GCNT1: variants seen among roughly 807,000 people sequenced by gnomAD.
The protein encoded by GCNT1 is glucosaminyl (N-acetyl) transferase 1.
GCNT1 carries 16 observed loss-of-function variants against 26.2 expected under a neutral mutation model. The observed-to-expected ratio is 0.61, with a 90% CI of 0.41 to 0.93. GCNT1 has a LOEUF of 0.93. Among genes scored for constraint, GCNT1 ranks in the 40% least tolerant of loss-of-function variants. The pLI is 0.00. For missense variants in GCNT1, 477 were observed against 526.7 expected (o/e 0.91, Z 0.92); for synonymous variants, 183 against 190.8 (o/e 0.96, Z 0.34).
upstream of GCNT1, among the ~76,000 whole-genome samples, chr9:76,441,145 A>C (rs767088549): frequency 2.0e-5 from 3 of 151,306 alleles, no homozygotes; most frequent in Non-Finnish European, 4.4e-5. Flanking sequence ...CCTAGGCATC[A>C]GGATTTTTGT....
chr9:76,502,179 GTATATATATA>G (rs59104914), intron 3 of GCNT1, 50 bp from the exon 4 acceptor site: 2,805 of 154,022 alleles, frequency 0.018, 40 homozygotes, highest in East Asian at 0.065. Flanking sequence ...CTCTCTCTCT[GTATATATATA>G]TATATATATA....
the GCNT1 span, among the ~76,000 whole-genome samples, chr9:76,399,929 C>T: frequency 6.6e-6 from 1 of 152,070 alleles, no homozygotes; most frequent in East Asian, 1.9e-4. Flanking sequence ...CACAAAAAGA[C>T]CTAGAGGAAA....
intron 2 of GCNT1, among the ~76,000 whole-genome samples, chr9:76,491,509 GT>G (rs34713484): frequency 0.22 from 33,104 of 152,072 alleles, 4,799 homozygotes; most frequent in East Asian, 0.59. Context: ...CAAATTTGTT[GT>G]TTTTCCCTTT....
chr9:76,485,679 G>A (rs896807712), intron 2 of GCNT1, among the ~76,000 whole-genome samples: 2 of 151,814 alleles, frequency 1.3e-5, no homozygotes, highest in African/African-American at 4.8e-5. Flanking sequence ...GTAATCCTAG[G>A]ATTTCTGTTG....
intron 1 of GCNT1, among the ~76,000 whole-genome samples, chr9:76,446,243 A>C (rs1315995286): frequency 6.6e-6 from 1 of 152,146 alleles, no homozygotes. Flanking sequence ...GAGTGACTCC[A>C]GTGCCCTTCT....
intron 1 of GCNT1, among the ~76,000 whole-genome samples, chr9:76,432,603 G>C (rs1452172170): frequency 6.6e-6 from 1 of 152,146 alleles, no homozygotes. Flanking sequence ...GCCTCCCAAA[G>C]TGCTGGGATT....
At chr9:76,395,197 GCTCA>G in the GCNT1 span, among the ~76,000 whole-genome samples, 1 of 152,162 alleles carries the variant, frequency 6.6e-6, no homozygotes, top group Admixed American at 6.5e-5. Context: ...GTAGCTCTGG[GCTCA>G]CTCACAGGAT....
rs1298396068 is a variant in GCNT1, at chr9:76,427,293, C to T, written n.38+7406C>T. ...CTTACTGCAGCCTTGACGTTCTGGGCTCAAGCAATCCTCCTACCTCAGTCA... is the reference window on the plus strand; with the variant it reads ...CTTACTGCAGCCTTGACGTTCTGGGTTCAAGCAATCCTCCTACCTCAGTCA... On this transcript the variant is annotated intron_variant and non_coding_transcript_variant, in intron 1 of 3. Coordinates refer to the GCNT1 transcript ENST00000488136. 2.7e-5 allele frequency among the ~76,000 whole-genome samples: 4 copies of T among 150,460 alleles called. No homozygotes were observed. The Admixed American group carries it at 2.7e-4, about 10-fold the overall frequency.
intron 1 of GCNT1, among the ~76,000 whole-genome samples, chr9:76,445,256 C>T (rs1479054338): frequency 6.6e-6 from 1 of 152,012 alleles, no homozygotes; most frequent in Non-Finnish European, 1.5e-5. Context: ...GATCAGGTGC[C>T]CCAGTGGAAG....
rs572337192 is a variant in GCNT1, at chr9:76,502,297, C to A, written c.-85C>A. 36 of 893,800 alleles carry A rather than the reference C, an allele frequency of 4.0e-5. 1 individual carries two copies. In the South Asian group the frequency reaches 5.2e-4, roughly 13 times the overall value. 55.4% of individuals were successfully genotyped at this position (893,800 alleles called of 1,614,324 possible). On this transcript the variant is annotated 5_prime_UTR_variant, in exon 4 of 4. Transcript: ENST00000376730. The stretch of plus-strand genomic sequence containing the variant: ...CTGATAAATGCAAACTGACAACCTT[C>A]AAGGCCACGACGGAGGGAAAATCAT...
At chr9:76,486,114 TA>T (rs1194250457) in intron 2 of GCNT1, among the ~76,000 whole-genome samples, 8 of 152,226 alleles carry the variant, frequency 5.3e-5, no homozygotes, top group African/African-American at 1.9e-4. Context: ...CTCTTCTGCT[TA>T]CTAGCCATAT....
chr9:76,477,181 C>T (rs1417399430), intron 2 of GCNT1, among the ~76,000 whole-genome samples: 1 of 150,880 alleles, frequency 6.6e-6, no homozygotes, highest in Non-Finnish European at 1.5e-5. Context: ...TTCCAAAGTG[C>T]TGGGATTACA....
intron 1 of GCNT1, among the ~76,000 whole-genome samples, chr9:76,452,811 G>A (rs985701239): frequency 2.6e-5 from 4 of 152,052 alleles, no homozygotes; most frequent in Non-Finnish European, 2.9e-5. Context: ...TATCACCCCC[G>A]AAGTGGGAAG....
At chr9:76,398,410 G>T in the GCNT1 span, among the ~76,000 whole-genome samples, 1 of 152,180 alleles carries the variant, frequency 6.6e-6, no homozygotes, top group African/African-American at 2.4e-5. Flanking sequence ...TCAGAACACT[G>T]ACAACACCAA....
intron 1 of GCNT1, among the ~76,000 whole-genome samples, chr9:76,430,809 G>A (rs1044331999): frequency 2.6e-5 from 4 of 152,068 alleles, no homozygotes; most frequent in Non-Finnish European, 5.9e-5. Context: ...TCAGGCCCCT[G>A]AGTAGCTGGG....
chr9:76,408,588 G>A, the GCNT1 span, among the ~76,000 whole-genome samples: 1 of 152,020 alleles, frequency 6.6e-6, no homozygotes, highest in Non-Finnish European at 1.5e-5. Flanking sequence ...ATGAGATACT[G>A]GTCTGTAGTT....
chr9:76,505,667 G>C lies in GCNT1; in HGVS notation c.*1999G>C, dbSNP rs775219168. On this transcript the variant is annotated 3_prime_UTR_variant, in exon 4 of 4. Coordinates refer to ENST00000376730, the MANE Select transcript of GCNT1 (RefSeq NM_001490.5). ...AGTGAACACCATGTAACCCTCACCTGGTGTTAACATTGTACCCTATTTGCT... is the reference window on the plus strand; with the variant it reads ...AGTGAACACCATGTAACCCTCACCTCGTGTTAACATTGTACCCTATTTGCT... 6.0e-6 allele frequency: 1 copy of C among 166,878 alleles called. No homozygotes were observed. Among genetic ancestry groups the C allele is most frequent in the Non-Finnish European group, 1.5e-5 (1 of 68,108 alleles). The allele number at this position is 166,878 out of a possible 1,614,324, so 10.3% of individuals were successfully genotyped here. A position where few individuals can be genotyped will look rare whatever the true frequency, so the allele number is the denominator to read the frequency against.
intron 1 of GCNT1, among the ~76,000 whole-genome samples, chr9:76,423,140 T>C (rs2131572045): frequency 6.6e-6 from 1 of 152,354 alleles, no homozygotes; most frequent in South Asian, 2.1e-4. Context: ...TAGTCGTCCA[T>C]GATCACCACC....
chr9:76,426,131 G>C (rs1159609640), intron 1 of GCNT1, among the ~76,000 whole-genome samples: 1 of 152,162 alleles, frequency 6.6e-6, no homozygotes, highest in African/African-American at 2.4e-5. Flanking sequence ...TTTTGGGAAA[G>C]GGCTGTTATC....
Sources: allele counts gnomAD v4.1 joint callset (sites outside exome capture counted in the v4.1 genomes callset), GRCh38; gene constraint gnomAD v4.1.1; transcripts MANE v1.5; gene names NCBI Gene and HGNC (gene_info 2026-07-23, HGNC 2026-07-21).